The following MRPS6 variants were observed in gnomAD, a reference collection of about 807,000 sequenced individuals.
The protein encoded by MRPS6 is mitochondrial ribosomal protein S6, also known as small ribosomal subunit protein bS6m.
MRPS6 carries 6 observed loss-of-function variants against 13.1 expected under a neutral mutation model. The ratio of observed to expected loss-of-function variants is 0.46; its 90% CI spans 0.25 to 0.91. The LOEUF (loss-of-function observed/expected upper bound fraction) is 0.91. Among genes scored for constraint, MRPS6 ranks in the 40% least tolerant of loss-of-function variants. The probability of loss-of-function intolerance (pLI) is 0.18; values close to 1 mark genes in which losing one functional copy is unlikely to be tolerated. For missense variants in MRPS6, 164 were observed against 155.6 expected, an observed-to-expected ratio of 1.05 and a Z score of -0.29; for synonymous variants, 61 against 56.5, an observed-to-expected ratio of 1.08 and a Z score of -0.36.
At chr21:34,103,918 T>G in intron 1 of MRPS6, 1 of 1,000,190 alleles carries the variant, frequency 1.0e-6, no homozygotes, top group Non-Finnish European at 1.2e-6. Flanking sequence ...ATGTCTAGGT[T>G]TTTGGTGGGT....
At chr21:34,106,736 C>T (rs977085642) in intron 1 of MRPS6, among the ~76,000 whole-genome samples, 5 of 152,176 alleles carry the variant, frequency 3.3e-5, no homozygotes, top group Non-Finnish European at 7.3e-5. Flanking sequence ...AACAGTCACT[C>T]ATAGTTATCA....
intron 1 of MRPS6, among the ~76,000 whole-genome samples, chr21:34,074,723 C>T (rs940787914): frequency 2.6e-5 from 4 of 152,198 alleles, no homozygotes; most frequent in Admixed American, 2.6e-4. Context: ...TGTACCACGT[C>T]CGAACTTTGT....
intron 1 of MRPS6, among the ~76,000 whole-genome samples, chr21:34,118,398 T>C (rs999056130): frequency 6.6e-6 from 1 of 152,102 alleles, no homozygotes; most frequent in Non-Finnish European, 1.5e-5. Context: ...ATTTATTGAA[T>C]AAAATTCGCT....
intron 1 of MRPS6, chr21:34,123,315 G>A (rs1980187770): frequency 6.6e-6 from 1 of 152,020 alleles, no homozygotes; most frequent in African/African-American, 2.4e-5. Flanking sequence ...ATGAACCTCT[G>A]GAAGGTAGCC....
At chr21:34,074,565 G>A (rs1989278158) in intron 1 of MRPS6, among the ~76,000 whole-genome samples, 1 of 152,220 alleles carries the variant, frequency 6.6e-6, no homozygotes, top group Non-Finnish European at 1.5e-5. Flanking sequence ...CCCGCGGCCC[G>A]GAGGCAGCTC....
chr21:34,081,702 G>T (rs1405142985), intron 1 of MRPS6, among the ~76,000 whole-genome samples: 1 of 152,162 alleles, frequency 6.6e-6, no homozygotes, highest in Non-Finnish European at 1.5e-5. Flanking sequence ...TGAAGATAAA[G>T]TGGTTATGTG....
At chr21:34,132,631 A>C (rs890473985) in intron 2 of MRPS6, among the ~76,000 whole-genome samples, 1 of 152,142 alleles carries the variant, frequency 6.6e-6, no homozygotes, top group South Asian at 2.1e-4. Flanking sequence ...CTAGGTAGCA[A>C]GAGATACAGT....
intron 1 of MRPS6, chr21:34,099,587 A>AT (rs1979138717): frequency 2.0e-6 from 2 of 999,688 alleles, no homozygotes; most frequent in African/African-American, 3.5e-5. Context: ...GCGTAAATGA[A>AT]TAGGAGGTGT....
chr21:34,106,253 A>C (rs1439245884), intron 1 of MRPS6: 2 of 816,574 alleles, frequency 2.4e-6, no homozygotes, highest in Non-Finnish European at 3.0e-6. Flanking sequence ...AATAAAATGA[A>C]AAATTTATAT....
At chr21:34,098,949 ATTAC>A (rs1211431759) in intron 1 of MRPS6, 1 of 984,328 alleles carries the variant, frequency 1.0e-6, no homozygotes, top group African/African-American at 1.8e-5. Context: ...ATTTAGGGAA[ATTAC>A]TTTCATAAAT....
chr21:34,110,042 A>G (rs540073881), intron 1 of MRPS6, among the ~76,000 whole-genome samples: 1 of 152,250 alleles, frequency 6.6e-6, no homozygotes, highest in African/African-American at 2.4e-5. Flanking sequence ...TTCAGAGCCT[A>G]TTGCCCATTT....
intron 1 of MRPS6, among the ~76,000 whole-genome samples, chr21:34,084,485 A>G (rs1000517518): frequency 3.3e-5 from 5 of 152,200 alleles, no homozygotes; most frequent in Non-Finnish European, 1.5e-5. Flanking sequence ...ATGAGTTGAT[A>G]ATAATGCCTA....
intron 2 of MRPS6, among the ~76,000 whole-genome samples, chr21:34,127,053 C>T (rs1980331742): frequency 6.6e-6 from 1 of 152,158 alleles, no homozygotes; most frequent in Admixed American, 6.5e-5. Context: ...AGAACACTAG[C>T]CCTACTTCTG....
chr21:34,098,174 A>G, intron 1 of MRPS6: 11 of 1,000,024 alleles, frequency 1.1e-5, no homozygotes, highest in Non-Finnish European at 1.3e-5. Context: ...ATAGTTTGGA[A>G]ATGACCAGCC....
At chr21:34,138,217 T>G (rs899360910) in intron 2 of MRPS6, among the ~76,000 whole-genome samples, 1 of 152,148 alleles carries the variant, frequency 6.6e-6, no homozygotes, top group Non-Finnish European at 1.5e-5. Context: ...GCCTGTTCAC[T>G]CTGATGGTAG....
chr21:34,121,802 T>G (rs569986743), intron 1 of MRPS6, among the ~76,000 whole-genome samples: 2 of 152,332 alleles, frequency 1.3e-5, no homozygotes, highest in Non-Finnish European at 2.9e-5. Flanking sequence ...AAGAATTTTA[T>G]TTTAATAGAT....
chr21:34,099,921 A>G (rs538685744), intron 1 of MRPS6: 86 of 360,250 alleles, frequency 2.4e-4, no homozygotes, highest in Admixed American at 1.4e-3. Flanking sequence ...GCTGATTGCA[A>G]CTTAATTCAG....
chr21:34,100,100 C>T (rs1223367945), intron 1 of MRPS6: 1 of 998,894 alleles, frequency 1.0e-6, no homozygotes, highest in Non-Finnish European at 1.2e-6. Flanking sequence ...TTAGCTCAAG[C>T]TAAGGTTCAG....
chr21:34,137,715 C>A (rs1417113300), intron 2 of MRPS6, among the ~76,000 whole-genome samples: 1 of 151,662 alleles, frequency 6.6e-6, no homozygotes, highest in East Asian at 1.9e-4. Context: ...GAAATGTCAG[C>A]TGTAGATTTT....
Sources: allele counts gnomAD v4.1 joint callset (sites outside exome capture counted in the v4.1 genomes callset), GRCh38; gene constraint gnomAD v4.1.1; transcripts MANE v1.5; gene names NCBI Gene and HGNC (gene_info 2026-07-23, HGNC 2026-07-21).